Variants in MAP2K4 observed in about 807,000 individuals in gnomAD.
MAP2K4 encodes the protein dual specificity mitogen-activated protein kinase kinase 4.
Under a neutral mutation model 48.5 loss-of-function variants are expected in MAP2K4, and 4 were observed. The observed-to-expected ratio is 0.08, with a 90% CI of 0.04 to 0.19. The LOEUF (loss-of-function observed/expected upper bound fraction) is 0.19. Among genes scored for constraint, MAP2K4 ranks in the 10% least tolerant of loss-of-function variants. The pLI is 1.00. For missense variants in MAP2K4, 258 were observed against 493.3 expected, an observed-to-expected ratio of 0.52 and a Z score of 4.52; for synonymous variants, 166 against 173.1, an observed-to-expected ratio of 0.96 and a Z score of 0.32.
intron 4 of MAP2K4, among the ~76,000 whole-genome samples, chr17:12,102,969 C>T (rs1483665099): frequency 6.7e-6 from 1 of 148,180 alleles, no homozygotes; most frequent in East Asian, 2.0e-4. Flanking sequence ...AGAGGTTTAT[C>T]AATGTTATTG....
intron 2 of MAP2K4, among the ~76,000 whole-genome samples, chr17:12,062,116 C>T (rs572692616): frequency 7.0e-6 from 1 of 141,874 alleles, no homozygotes; most frequent in Admixed American, 7.2e-5. Flanking sequence ...TTGCTTTAAT[C>T]TGGAGTGGTT....
intron 3 of MAP2K4, among the ~76,000 whole-genome samples, chr17:12,090,554 C>G (rs370438693): frequency 6.6e-6 from 1 of 152,146 alleles, no homozygotes; most frequent in Non-Finnish European, 1.5e-5. Flanking sequence ...TTAGCCTTTG[C>G]GTTGTCAGCC....
chr17:12,111,468 G>T (rs527802385), intron 6 of MAP2K4, among the ~76,000 whole-genome samples: 5 of 148,896 alleles, frequency 3.4e-5, no homozygotes, highest in South Asian at 4.2e-4. Flanking sequence ...ATTTCTTCTT[G>T]TTCTTGTCTT....
chr17:12,113,412 T>C (rs1328649877), intron 7 of MAP2K4, 52 bp downstream of exon 7: 1 of 1,581,304 alleles, frequency 6.3e-7, no homozygotes, highest in South Asian at 1.1e-5. Context: ...ACAGAGAGCC[T>C]GTGCTCTTTT....
chr17:12,046,055 T>G (rs1969953137), intron 1 of MAP2K4, among the ~76,000 whole-genome samples: 1 of 152,208 alleles, frequency 6.6e-6, no homozygotes, highest in South Asian at 2.1e-4. Flanking sequence ...GTGAATGGAA[T>G]CAGTGCAGGT....
At chr17:12,095,916 TG>T (rs1971730009) in intron 4 of MAP2K4, among the ~76,000 whole-genome samples, 2 of 151,768 alleles carry the variant, frequency 1.3e-5, no homozygotes, top group Admixed American at 1.3e-4. Flanking sequence ...TGTGTGTGTG[TG>T]TGTGTGTGTG....
chr17:12,110,643 C>G, intron 6 of MAP2K4: 1 of 481,380 alleles, frequency 2.1e-6, no homozygotes, highest in Non-Finnish European at 3.7e-6. Context: ...GACTTAGAAA[C>G]TGAAATAGAT....
Position 12,081,763 on chromosome 17 carries a change from A to G in MAP2K4, c.393+233A>G. On this transcript the variant is annotated intron_variant, in intron 3 of 10. Transcript: ENST00000353533. The surrounding 1 kb of genome is among the most constrained non-coding windows in gnomAD (Gnocchi z 4.2). ...TGTGCATGTTGATTGCATTTTTGGC[A>G]TGATGCATTAACATGTTTTAAACTT... 1.8e-6 allele frequency: 1 copy of G among 553,272 alleles called. No homozygotes were observed. Among genetic ancestry groups the G allele is most frequent in the South Asian group, 2.0e-5 (1 of 50,600 alleles). 34.3% of individuals were successfully genotyped at this position (553,272 alleles called of 1,614,324 possible).
chr17:12,051,590 C>G (rs1240805122), intron 1 of MAP2K4, among the ~76,000 whole-genome samples: 1 of 152,120 alleles, frequency 6.6e-6, no homozygotes, highest in Non-Finnish European at 1.5e-5. Flanking sequence ...ATCACAAATT[C>G]ATAATGTTTT....
At chr17:12,024,352 T>C (rs1255174910) in intron 1 of MAP2K4, among the ~76,000 whole-genome samples, 4 of 152,258 alleles carry the variant, frequency 2.6e-5, no homozygotes, top group Admixed American at 2.0e-4. Context: ...CTAACAGTTA[T>C]GGCTTCTAAT....
At chr17:12,065,145 A>C (rs1223558645) in intron 2 of MAP2K4, among the ~76,000 whole-genome samples, 1 of 152,008 alleles carries the variant, frequency 6.6e-6, no homozygotes, top group Non-Finnish European at 1.5e-5. Flanking sequence ...AGGTGTCTGC[A>C]TTTGTCAAAA....
chr17:12,137,510 T>A (rs1222776864), intron 9 of MAP2K4, among the ~76,000 whole-genome samples: 5 of 152,192 alleles, frequency 3.3e-5, no homozygotes, highest in Non-Finnish European at 7.3e-5. Flanking sequence ...GACTTGATGT[T>A]CTCTAGACTG....
chr17:12,044,494 T>C (rs1353848142), intron 1 of MAP2K4, among the ~76,000 whole-genome samples: 1 of 152,216 alleles, frequency 6.6e-6, no homozygotes, highest in African/African-American at 2.4e-5. Flanking sequence ...ACTTATAACA[T>C]TATAAACTTG....
chr17:12,105,277 G>A (rs1972071170), intron 4 of MAP2K4, among the ~76,000 whole-genome samples: 1 of 151,976 alleles, frequency 6.6e-6, no homozygotes, highest in South Asian at 2.1e-4. Context: ...TTCTCATCTT[G>A]AATCTTCACA....
chr17:12,036,537 A>G (rs543341818), intron 1 of MAP2K4: 7 of 152,170 alleles, frequency 4.6e-5, no homozygotes, highest in Non-Finnish European at 7.4e-5. Context: ...AAGCTGCCCA[A>G]CTACCAAAAA....
At position 12,084,333 on chromosome 17, in the gene MAP2K4, G is replaced by A. The variant is rs1460491011; in HGVS notation, c.393+2803G>A. On this transcript the variant is annotated intron_variant, in intron 3 of 10. Coordinates refer to ENST00000353533, the MANE Select transcript of MAP2K4 (RefSeq NM_003010.4). ...AAGCTATCGGTGAGTTTCTGCATTA[G>A]GACCTAAGATGTGAACATGGTTTAC... Among the ~76,000 whole-genome samples the A allele has an allele frequency of 2.6e-5, 4 of 152,144 alleles. No homozygotes were observed. The East Asian group carries it at 7.7e-4, about 29-fold the overall frequency.
At chr17:12,140,069 A>G (rs931965191) in intron 10 of MAP2K4, among the ~76,000 whole-genome samples, 185 bp downstream of exon 10, 8 of 152,212 alleles carry the variant, frequency 5.3e-5, no homozygotes, top group African/African-American at 1.4e-4. Flanking sequence ...TAATTTTTCT[A>G]CTAATACTAG....
chr17:12,053,903 A>T (rs1006663474), intron 1 of MAP2K4, among the ~76,000 whole-genome samples: 29 of 152,142 alleles, frequency 1.9e-4, no homozygotes, highest in African/African-American at 6.8e-4. Context: ...ATATTTTTTG[A>T]GTAGTTAATT....
chr17:12,130,280 A>G (rs1207825629), intron 9 of MAP2K4, among the ~76,000 whole-genome samples: 1 of 152,082 alleles, frequency 6.6e-6, no homozygotes, highest in African/African-American at 2.4e-5. Flanking sequence ...GGTTTTTCAG[A>G]GGGGAGAGGA....
Sources: gnomAD v4.1 joint callset for allele counts (sites outside exome capture counted in the v4.1 genomes callset) on GRCh38, gnomAD v4.1.1 for gene constraint, Gnocchi (gnomAD v3.1) non-coding constraint, MANE v1.5 for transcripts, NCBI Gene and HGNC (gene_info 2026-07-23, HGNC 2026-07-21) for gene names.